Variants in NKD1 observed in about 807,000 individuals in gnomAD.
The protein encoded by NKD1 is NKD inhibitor of Wnt signaling pathway 1, also known as protein naked cuticle homolog 1.
NKD1 carries 21 observed loss-of-function variants against 56.0 expected under a neutral mutation model. The observed-to-expected ratio is 0.38, with a 90% CI of 0.27 to 0.54. The LOEUF is 0.54. NKD1 is among the 20% of genes least tolerant of loss of function. The pLI is 0.82. For missense variants in NKD1, 578 were observed against 642.7 expected (o/e 0.90, Z 1.09); for synonymous variants, 263 against 265.7 (o/e 0.99, Z 0.10).
At chr16:50,622,123 C>T (rs1040835182) in intron 5 of NKD1, among the ~76,000 whole-genome samples, 4 of 152,134 alleles carry the variant, frequency 2.6e-5, no homozygotes, top group African/African-American at 7.2e-5. Context: ...ACAGGAGGTA[C>T]GGGCAGGACC....
chr16:50,630,396 T>G lies in NKD1; in HGVS notation c.610+63T>G. 3 of 1,578,714 alleles carry G rather than the reference T, an allele frequency of 1.9e-6. No homozygotes were observed. The East Asian group carries it at 6.7e-5, about 35-fold the overall frequency. ...TCCCATCTCAGGAAGGAACAGAGCC[T>G]TCCTGGGAGGGCCGGAAGGGAACCT... On this transcript the variant is annotated intron_variant, in intron 7 of 9. Transcript: ENST00000268459.
chr16:50,597,726 C>T (rs1014841326), intron 3 of NKD1, among the ~76,000 whole-genome samples: 1 of 152,172 alleles, frequency 6.6e-6, no homozygotes, highest in Non-Finnish European at 1.5e-5. Flanking sequence ...TCGGCTTTTC[C>T]ACACCCACCT....
intron 3 of NKD1, among the ~76,000 whole-genome samples, chr16:50,560,821 C>CTAT (rs1409879459): frequency 8.0e-5 from 4 of 49,704 alleles, no homozygotes; most frequent in Non-Finnish European, 1.7e-4. Context: ...TATACCCAAA[C>CTAT]CCATCTATCT....
At chr16:50,553,350 C>T (rs1416907298) in intron 3 of NKD1, among the ~76,000 whole-genome samples, 1 of 152,238 alleles carries the variant, frequency 6.6e-6, no homozygotes, top group Non-Finnish European at 1.5e-5. Flanking sequence ...TGTTCCTTTA[C>T]AGCAGAGCTG....
intron 4 of NKD1, among the ~76,000 whole-genome samples, chr16:50,608,720 G>T (rs781254575): frequency 1.3e-5 from 2 of 152,218 alleles, no homozygotes; most frequent in African/African-American, 4.8e-5. Flanking sequence ...GTTGGGCATG[G>T]AGTAAGCATT....
chr16:50,618,455 GT>G (rs1488861501), intron 4 of NKD1, among the ~76,000 whole-genome samples: 2 of 152,212 alleles, frequency 1.3e-5, no homozygotes, highest in Non-Finnish European at 2.9e-5. Flanking sequence ...TCACTGATGG[GT>G]GGAGGGTGGT....
intron 3 of NKD1, among the ~76,000 whole-genome samples, chr16:50,586,173 G>C (rs1961225450): frequency 6.6e-6 from 1 of 152,130 alleles, no homozygotes; most frequent in Non-Finnish European, 1.5e-5. Context: ...TGACATTTTA[G>C]AAGGCAAATT....
chr16:50,574,023 T>G, intron 3 of NKD1: 6 of 924,744 alleles, frequency 6.5e-6, no homozygotes, highest in Non-Finnish European at 7.7e-6. Flanking sequence ...AATTTTAAAA[T>G]TTTATGTCTT....
rs1962578440 is a variant in NKD1, at chr16:50,641,451, T to G, written c.*7670T>G. On this transcript the variant is annotated 3_prime_UTR_variant, in exon 10 of 10. Coordinates refer to ENST00000268459, the MANE Select transcript of NKD1 (RefSeq NM_033119.5). Reference sequence around the variant, plus strand: ...TTGACCCATCAAGGGTTTCAAAAATTTTTAATTAATTTCCAAAATCTGAGG... The same window carrying G: ...TTGACCCATCAAGGGTTTCAAAAATGTTTAATTAATTTCCAAAATCTGAGG... 6.6e-6 allele frequency: 1 copy of G among 152,174 alleles called. No homozygotes were observed. Among genetic ancestry groups the G allele is most frequent in the South Asian group, 2.1e-4 (1 of 4,832 alleles). The allele number at this position is 152,174 out of a possible 1,614,324, so 9.4% of individuals were successfully genotyped here. A position where few individuals can be genotyped will look rare whatever the true frequency, so the allele number is the denominator to read the frequency against.
chr16:50,558,016 C>T (rs991243997), intron 3 of NKD1: 13 of 152,240 alleles, frequency 8.5e-5, no homozygotes, highest in African/African-American at 3.1e-4. Flanking sequence ...GGGGAACACA[C>T]ACCCTGCCTC....
chr16:50,623,276 A>G lies in NKD1; in HGVS notation c.366+1568A>G, dbSNP rs1246134921. On this transcript the variant is annotated intron_variant, in intron 5 of 9. Transcript: ENST00000268459. The surrounding 1 kb of genome is among the most constrained non-coding windows in gnomAD (Gnocchi z 4.1). ...CCTGCCATGCCCCACCATCCTGCAC[A>G]GGCCACACCACACAGCTTGTTCTCC... 6.6e-6 allele frequency among the ~76,000 whole-genome samples: 1 copy of G among 151,356 alleles called. No individual in the cohort carries two copies. Among genetic ancestry groups the G allele is most frequent in the Non-Finnish European group, 1.5e-5 (1 of 67,822 alleles).
chr16:50,622,781 C>T (rs888130881), intron 5 of NKD1, among the ~76,000 whole-genome samples: 3 of 151,978 alleles, frequency 2.0e-5, no homozygotes, highest in Non-Finnish European at 2.9e-5. Context: ...CCAGGGTACC[C>T]AGCTTAGACT....
chr16:50,633,608 C>T lies in NKD1; in HGVS notation c.1240C>T (p.Arg414Trp), dbSNP rs369505855. The T allele has an allele frequency of 1.9e-5, 30 of 1,610,420 alleles. No individual in the cohort carries two copies. The highest frequency in any genetic ancestry group is 2.7e-5 in the African/African-American group (2 of 74,886). Residue 414 changes from arginine (R) to tryptophan (W), a missense_variant, in exon 10 of 10, where the codon CGG (arginine) becomes TGG (tryptophan). By Grantham distance (101) the Arg-to-Trp change is moderately radical. Coordinates refer to ENST00000268459, the MANE Select transcript of NKD1 (RefSeq NM_033119.5). The surrounding 1 kb of genome is among the most constrained non-coding windows in gnomAD (Gnocchi z 4.9). ...HRAKESQQGC[R>W]GLQAPLASGG... The stretch of plus-strand genomic sequence containing the variant: ...AGCCAAGGAGAGCCAGCAGGGCTGC[C>T]GGGGCCTGCAGGCACCACTGGCCTC...
At chr16:50,558,423 A>G (rs1362307820) in intron 3 of NKD1, 5 of 152,280 alleles carry the variant, frequency 3.3e-5, no homozygotes, top group African/African-American at 1.2e-4. Context: ...GCTATCGCAT[A>G]GATGAGGAGG....
At chr16:50,605,519 T>G (rs1225635773) in intron 3 of NKD1, among the ~76,000 whole-genome samples, 1 of 152,200 alleles carries the variant, frequency 6.6e-6, no homozygotes, top group Admixed American at 6.5e-5. Flanking sequence ...CAACCATAGA[T>G]AGAAAATATT....
In NKD1 at chr16:50,578,484, C is replaced by T. The variant is rs984116050; in HGVS notation, c.192+28929C>T. 2.0e-5 allele frequency among the ~76,000 whole-genome samples: 3 copies of T among 152,168 alleles called. No individual in the cohort carries two copies. The South Asian group carries it at 6.2e-4, about 32-fold the overall frequency. On this transcript the variant is annotated intron_variant, in intron 3 of 9. Coordinates refer to ENST00000268459, the MANE Select transcript of NKD1 (RefSeq NM_033119.5). Reference sequence around the variant, plus strand: ...GTACCTGAGCCTCCTTTTCTGCTGGCTTCTGCTTCTTCAGCTGGCCATGTC... The same window carrying T: ...GTACCTGAGCCTCCTTTTCTGCTGGTTTCTGCTTCTTCAGCTGGCCATGTC...
chr16:50,627,862 G>A (rs1962257654), intron 6 of NKD1, among the ~76,000 whole-genome samples: 1 of 152,208 alleles, frequency 6.6e-6, no homozygotes, highest in Non-Finnish European at 1.5e-5. Flanking sequence ...CAGGGCTCCA[G>A]GTCCTCTAAG....
chr16:50,641,500 T>C lies in NKD1; in HGVS notation c.*7719T>C, dbSNP rs566414984. 1 of 152,244 alleles carries C rather than the reference T, an allele frequency of 6.6e-6. No individual in the cohort carries two copies. The highest frequency in any genetic ancestry group is 1.5e-5 in the Non-Finnish European group (1 of 68,042). 9.4% of individuals were successfully genotyped at this position (152,244 alleles called of 1,614,324 possible). On this transcript the variant is annotated 3_prime_UTR_variant, in exon 10 of 10. Coordinates refer to ENST00000268459, the MANE Select transcript of NKD1 (RefSeq NM_033119.5). ...GGGTTTCACCTAAAAACCTGGATGT[T>C]TGGCTTTTCTCATAAAAATCAGAAA... is the stretch of plus-strand genomic sequence containing the variant.
At position 50,610,302 on chromosome 16, in the gene NKD1, G is replaced by A. The variant is rs542670860; in HGVS notation, c.259+1942G>A. On this transcript the variant is annotated intron_variant, in intron 4 of 9. Transcript: ENST00000268459. ...AGGCAGTAGGAGTGGAGCTGCTCTG[G>A]TTTGAGTCGGGTGGGCATCTGGACC... 1.7e-4 allele frequency among the ~76,000 whole-genome samples: 26 copies of A among 152,364 alleles called. No individual in the cohort carries two copies. In the South Asian group the frequency reaches 2.9e-3, roughly 17 times the overall value.
Sources: allele counts gnomAD v4.1 joint callset (sites outside exome capture counted in the v4.1 genomes callset), GRCh38; gene constraint gnomAD v4.1.1; non-coding constraint Gnocchi (gnomAD v3.1); transcripts MANE v1.5; gene names NCBI Gene and HGNC (gene_info 2026-07-23, HGNC 2026-07-21).